RBFOX1: variants seen among roughly 807,000 people sequenced by gnomAD.
The protein encoded by RBFOX1 is RNA binding protein fox-1 homolog 1.
A neutral mutation model predicts 57.7 loss-of-function variants in RBFOX1; 8 were observed. The ratio of observed to expected loss-of-function variants is 0.14; its 90% CI spans 0.08 to 0.25. RBFOX1 has a LOEUF of 0.25. RBFOX1 is among the 10% of genes least tolerant of loss of function. RBFOX1 has a pLI of 1.00. For synonymous variants in RBFOX1, 326 were observed against 222.4 expected, an observed-to-expected ratio of 1.47 and a Z score of -4.15; for missense variants, 611 against 548.5, an observed-to-expected ratio of 1.11 and a Z score of -1.14.
intron 4 of RBFOX1, among the ~76,000 whole-genome samples, chr16:7,178,609 A>C (rs953466860): frequency 6.6e-6 from 1 of 152,224 alleles, no homozygotes; most frequent in Admixed American, 6.5e-5. Context: ...CCAGTTATCT[A>C]CATAAGTGAA....
chr16:5,664,103 C>T (rs1192200469), intron 3 of RBFOX1, among the ~76,000 whole-genome samples: 1 of 152,210 alleles, frequency 6.6e-6, no homozygotes, highest in South Asian at 2.1e-4. Context: ...TCTAGGCGTG[C>T]CCCTCTCACC....
intron 2 of RBFOX1, among the ~76,000 whole-genome samples, chr16:6,645,685 T>C (rs2098528440): frequency 6.6e-6 from 1 of 152,204 alleles, no homozygotes; most frequent in Admixed American, 6.5e-5. Context: ...GACATGTTTT[T>C]AAGTTCTCAA....
At chr16:6,251,606 AAG>A (rs1025183425) in intron 1 of RBFOX1, among the ~76,000 whole-genome samples, 1 of 152,000 alleles carries the variant, frequency 6.6e-6, no homozygotes, top group African/African-American at 2.4e-5. Flanking sequence ...GAGAGAGAAA[AAG>A]AGAGAGAAAA....
At chr16:5,366,717 A>C in intron 1 of RBFOX1, 1 of 378,148 alleles carries the variant, frequency 2.6e-6, no homozygotes, top group South Asian at 2.4e-5. Flanking sequence ...ATTTGTTAAA[A>C]ATTTTCCATC....
chr16:7,004,028 A>C (rs1188009218), intron 3 of RBFOX1: 1 of 151,444 alleles, frequency 6.6e-6, no homozygotes, highest in Non-Finnish European at 1.5e-5. Context: ...ACGCTTCACA[A>C]ATTTGCGTGC....
chr16:6,759,149 C>CTTTTT (rs55903030), intron 3 of RBFOX1, among the ~76,000 whole-genome samples: 3 of 147,214 alleles, frequency 2.0e-5, no homozygotes, highest in Non-Finnish European at 4.5e-5. Context: ...CTTATCAATT[C>CTTTTT]TTTTTTTTTT....
chr16:7,017,557 G>A lies in RBFOX1; in HGVS notation c.-15-34500G>A, dbSNP rs957977183. Among the ~76,000 whole-genome samples the A allele has an allele frequency of 9.2e-5, 14 of 152,320 alleles. No homozygotes were observed. In the East Asian group the frequency reaches 9.7e-4, roughly 11 times the overall value. On this transcript the variant is annotated intron_variant, in intron 3 of 15. Coordinates refer to ENST00000550418, the MANE Select transcript of RBFOX1 (RefSeq NM_018723.4). ...CAACGGAACAGAGAAAGTAGAGGAA[G>A]TGTTTTATAGACGACTGCAAATTGT...
intron 4 of RBFOX1, among the ~76,000 whole-genome samples, chr16:5,926,856 A>G (rs1340184287): frequency 6.6e-6 from 1 of 152,216 alleles, no homozygotes; most frequent in Non-Finnish European, 1.5e-5. Context: ...GCAACCTGTT[A>G]AGTCGGGTAT....
At chr16:6,183,653 C>T (rs1350093234) in intron 1 of RBFOX1, among the ~76,000 whole-genome samples, 3 of 152,044 alleles carry the variant, frequency 2.0e-5, no homozygotes, top group East Asian at 1.9e-4. Flanking sequence ...AAAAGATTCA[C>T]GTGGATGTCT....
intron 3 of RBFOX1, among the ~76,000 whole-genome samples, chr16:6,969,940 A>T (rs553694486): frequency 6.6e-6 from 1 of 152,048 alleles, no homozygotes; most frequent in Non-Finnish European, 1.5e-5. Flanking sequence ...CACATACAGA[A>T]ATGTCACACA....
intron 2 of RBFOX1, among the ~76,000 whole-genome samples, chr16:6,523,187 C>A (rs373149176): frequency 1.3e-5 from 2 of 152,156 alleles, no homozygotes; most frequent in East Asian, 1.9e-4. Context: ...ACTCATCTCT[C>A]TCTTCTCAGC....
At chr16:6,176,698 T>TC (rs1344838406) in intron 1 of RBFOX1, among the ~76,000 whole-genome samples, 4 of 151,948 alleles carry the variant, frequency 2.6e-5, no homozygotes, top group Non-Finnish European at 4.4e-5. Context: ...GGTCATTTTT[T>TC]TTTTTCTTTT....
chr16:7,499,845 C>T (rs1271662744), intron 4 of RBFOX1, among the ~76,000 whole-genome samples: 3 of 151,216 alleles, frequency 2.0e-5, no homozygotes, highest in South Asian at 4.2e-4. Flanking sequence ...TCCTAAGTTG[C>T]ACACAATTAT....
intron 2 of RBFOX1, among the ~76,000 whole-genome samples, chr16:5,509,966 C>T (rs556486907): frequency 3.5e-4 from 54 of 152,256 alleles, no homozygotes; most frequent in African/African-American, 1.3e-3. Context: ...GATGTCAGGG[C>T]ACAAGTTCTG....
In RBFOX1 at chr16:6,586,991, G is replaced by C. The variant is rs568318036; in HGVS notation, c.-63-67612G>C. On this transcript the variant is annotated intron_variant, in intron 2 of 15. Coordinates refer to ENST00000550418, the MANE Select transcript of RBFOX1 (RefSeq NM_018723.4). Reference sequence around the variant, plus strand: ...GTTTAAATGAGTTAAATTAATACATGCATTACTTCCCCTGTTTATTGTGTG... The same window carrying C: ...GTTTAAATGAGTTAAATTAATACATCCATTACTTCCCCTGTTTATTGTGTG... Among the ~76,000 whole-genome samples, 136 of 151,992 alleles carry C rather than the reference G, an allele frequency of 8.9e-4. 1 individual carries two copies. The highest frequency in any genetic ancestry group is 3.1e-3 in the South Asian group (15 of 4,802).
chr16:6,665,868 G>A (rs1363183138), intron 3 of RBFOX1, among the ~76,000 whole-genome samples: 1 of 152,066 alleles, frequency 6.6e-6, no homozygotes, highest in Non-Finnish European at 1.5e-5. Flanking sequence ...GAGGGAAAGA[G>A]GTGATATGGT....
chr16:5,914,157 A>G (rs578135104), intron 4 of RBFOX1, among the ~76,000 whole-genome samples: 1 of 152,380 alleles, frequency 6.6e-6, no homozygotes, highest in East Asian at 1.9e-4. Context: ...TGGCCCCAAA[A>G]TAATCCAGGA....
Position 7,437,777 on chromosome 16 carries a change from C to G in RBFOX1, c.28-80370C>G, listed in dbSNP as rs544629775. On this transcript the variant is annotated intron_variant, in intron 4 of 15. Coordinates refer to ENST00000550418, the MANE Select transcript of RBFOX1 (RefSeq NM_018723.4). Reference sequence around the variant, plus strand: ...TACTGCTCGACGTGGCAAAGATAATCTTGTGGAAGGCAAACGAATACAGAT... The same window carrying G: ...TACTGCTCGACGTGGCAAAGATAATGTTGTGGAAGGCAAACGAATACAGAT... Among the ~76,000 whole-genome samples, 19 of 151,994 alleles carry G rather than the reference C, an allele frequency of 1.3e-4. No homozygotes were observed. In the South Asian group the frequency reaches 3.1e-3, roughly 25 times the overall value.
At chr16:5,743,594 C>T (rs142985327) in intron 3 of RBFOX1, among the ~76,000 whole-genome samples, 1,983 of 152,234 alleles carry the variant, frequency 0.013, 36 homozygotes, top group Non-Finnish European at 0.018. Context: ...AAGTAATTTT[C>T]CTGTTTGCTT....
Sources: allele counts gnomAD v4.1 joint callset (sites outside exome capture counted in the v4.1 genomes callset), GRCh38; gene constraint gnomAD v4.1.1; transcripts MANE v1.5; gene names NCBI Gene and HGNC (gene_info 2026-07-23, HGNC 2026-07-21).